Variants in GPX5 observed in about 807,000 individuals in gnomAD.
GPX5 encodes epididymal secretory glutathione peroxidase.
In GPX5, 20 loss-of-function variants were observed where a neutral mutation model predicts 23.8. The observed-to-expected ratio is 0.84, with a 90% CI of 0.59 to 1.22. GPX5 has a LOEUF of 1.22. Ranked by LOEUF, GPX5 falls within the 50% of genes most tolerant of loss-of-function variation. GPX5 has a pLI of 0.00. For missense variants in GPX5, 230 were observed against 266.6 expected (o/e 0.86, Z 0.96); for synonymous variants, 92 against 99.5 (o/e 0.92, Z 0.45).
chr6:28,529,640 A>G, intron 2 of GPX5, 36 bp downstream of exon 2: 1 of 1,486,416 alleles, frequency 6.7e-7, no homozygotes, highest in Non-Finnish European at 9.1e-7. Context: ...TTTGGGACTA[A>G]ATTTTCCAGC....
intron 3 of GPX5, 30 bp from the exon 4 acceptor site, chr6:28,532,291 G>A (rs1763340164): frequency 7.5e-7 from 1 of 1,333,418 alleles, no homozygotes. Context: ...ATATCCTGGA[G>A]CTTCCTGGGA....
intron 1 of GPX5, among the ~76,000 whole-genome samples, chr6:28,526,465 G>A (rs1483087643): frequency 1.3e-5 from 2 of 152,158 alleles, no homozygotes; most frequent in Non-Finnish European, 2.9e-5. Flanking sequence ...AGGAGAAGCT[G>A]AGTGGACTTG....
intron 3 of GPX5, 119 bp downstream of exon 3, chr6:28,532,014 C>A (rs969063329): frequency 2.6e-6 from 2 of 777,216 alleles, no homozygotes; most frequent in African/African-American, 3.5e-5. Context: ...AGGGGCATTA[C>A]AAGCAGAGTT....
At chr6:28,531,370 C>CAAAAAAAAAA (rs1193939654) in intron 2 of GPX5, among the ~76,000 whole-genome samples, 19 of 50,068 alleles carry the variant, frequency 3.8e-4, no homozygotes, top group Admixed American at 6.2e-4. Flanking sequence ...GAATCTGTCT[C>CAAAAAAAAAA]AAAAAAAAAA....
intron 2 of GPX5, among the ~76,000 whole-genome samples, chr6:28,531,370 C>CAAAAAAAAAAAAAA (rs1193939654): frequency 2.0e-5 from 1 of 50,114 alleles, no homozygotes; most frequent in Non-Finnish European, 3.6e-5. Flanking sequence ...GAATCTGTCT[C>CAAAAAAAAAAAAAA]AAAAAAAAAA....
At chr6:28,531,176 C>CTCAT (rs1554164800) in intron 2 of GPX5, among the ~76,000 whole-genome samples, 1 of 151,438 alleles carries the variant, frequency 6.6e-6, no homozygotes. Context: ...AAGCTCAGTC[C>CTCAT]TGGCTAACAT....
At chr6:28,532,474 G>A (rs1763347812) in intron 4 of GPX5, 54 bp downstream of exon 4, 1 of 1,174,782 alleles carries the variant, frequency 8.5e-7, no homozygotes, top group Non-Finnish European at 1.2e-6. Context: ...TGCTAACATA[G>A]AGTTGGTGTG....
At chr6:28,532,986 T>C (rs1241239906) in intron 4 of GPX5, among the ~76,000 whole-genome samples, 1 of 152,096 alleles carries the variant, frequency 6.6e-6, no homozygotes, top group Non-Finnish European at 1.5e-5. Flanking sequence ...CTGGGTGTGG[T>C]GGCACGTACC....
Position 28,534,824 on chromosome 6 carries a change from G to C in GPX5, c.*657G>C. 1 of 151,940 alleles carries C rather than the reference G, an allele frequency of 6.6e-6. No individual in the cohort carries two copies. The highest frequency in any genetic ancestry group is 1.9e-4 in the East Asian group (1 of 5,190). 9.4% of individuals were successfully genotyped at this position (151,940 alleles called of 1,614,324 possible). On this transcript the variant is annotated 3_prime_UTR_variant, in exon 5 of 5. Coordinates refer to ENST00000412168, the MANE Select transcript of GPX5 (RefSeq NM_001509.3). The stretch of plus-strand genomic sequence containing the variant: ...AATTGTCTGATCTTTAGTGCATTCA[G>C]GTTATGGCACCTGGAGAGGAATGCC...
chr6:28,529,443 T>A lies in GPX5; in HGVS notation c.88-8T>A. The A allele has an allele frequency of 6.3e-7, 1 of 1,598,480 alleles. No homozygotes were observed. Among genetic ancestry groups the A allele is most frequent in the Non-Finnish European group, 8.5e-7 (1 of 1,171,754 alleles). On this transcript the variant is annotated splice_region_variant and splice_polypyrimidine_tract_variant and intron_variant, in intron 1 of 4. Coordinates refer to ENST00000412168, the MANE Select transcript of GPX5 (RefSeq NM_001509.3). ...TACCAGTATTATCACTTAAAAAAAA[T>A]CTTCCAGATGGATTGCCACAAAGAC...
Position 28,525,950 on chromosome 6 carries a change from CA to C in GPX5, c.-60del. ...TTGGGCTAAGTCCCTGCCAAGATAC[CA>C]AAAGACTGCAGAGGTGGGCAAAGAC... On this transcript the variant is annotated 5_prime_UTR_variant, in exon 1 of 5. The change abolishes the stop of an existing upstream ORF in the 5' untranslated region. Transcript: ENST00000412168. The C allele has an allele frequency of 8.1e-7, 1 of 1,231,726 alleles. No homozygotes were observed. The highest frequency in any genetic ancestry group is 1.2e-6 in the Non-Finnish European group (1 of 834,182). 76.3% of individuals were successfully genotyped at this position (1,231,726 alleles called of 1,614,324 possible).
intron 4 of GPX5, among the ~76,000 whole-genome samples, chr6:28,532,690 C>G (rs1203959397): frequency 6.6e-6 from 1 of 152,234 alleles, no homozygotes. Context: ...GACATTCATT[C>G]ATTAATTCAT....
rs1562009593 is a variant in GPX5 at position 28,529,554 on chromosome 6, T to A, written c.191T>A (p.Ile64Asn). 6.2e-7 allele frequency: 1 copy of A among 1,612,636 alleles called. No individual in the cohort carries two copies. Among genetic ancestry groups the A allele is most frequent in the Non-Finnish European group, 8.5e-7 (1 of 1,179,072 alleles). Residue 64 changes from isoleucine (I) to asparagine (N), a missense_variant, in exon 2 of 5, where the codon ATC (isoleucine) becomes AAC (asparagine). Coordinates refer to ENST00000412168, the MANE Select transcript of GPX5 (RefSeq NM_001509.3). ...VSFKQYVGKH[I>N]LFVNVATYCG... ...TTCAAGCAGTATGTGGGCAAGCACA[T>A]CCTCTTCGTCAACGTGGCCACCTAC...
chr6:28,526,148 T>G (rs1411963639), intron 1 of GPX5, 48 bp downstream of exon 1: 2 of 1,364,584 alleles, frequency 1.5e-6, no homozygotes, highest in Non-Finnish European at 2.1e-6. Flanking sequence ...CTGTCCTACT[T>G]CTAGACCCTG....
chr6:28,526,921 C>T (rs1055679699), intron 1 of GPX5: 9 of 152,156 alleles, frequency 5.9e-5, no homozygotes, highest in African/African-American at 2.2e-4. Context: ...ATACATTCTA[C>T]AAAATGCAGT....
chr6:28,529,650 C>G (rs778341817), intron 2 of GPX5, 46 bp downstream of exon 2: 1 of 1,369,406 alleles, frequency 7.3e-7, no homozygotes, highest in South Asian at 1.4e-5. Context: ...AATTTTCCAG[C>G]TGATCATATT....
At chr6:28,533,024 G>A (rs1763356240) in intron 4 of GPX5, among the ~76,000 whole-genome samples, 1 of 152,178 alleles carries the variant, frequency 6.6e-6, no homozygotes, top group Admixed American at 6.5e-5. Context: ...GGGAGGCTGA[G>A]GCCAGAGGAT....
chr6:28,527,809 T>G (rs548119743), intron 1 of GPX5: 5 of 152,370 alleles, frequency 3.3e-5, no homozygotes, highest in Admixed American at 2.0e-4. Flanking sequence ...CAGCATGTGC[T>G]GGTGAGCACT....
chr6:28,531,392 AAGAAAAGAAAAGAAAAG>A (rs1763317339), intron 2 of GPX5, among the ~76,000 whole-genome samples: 9 of 59,612 alleles, frequency 1.5e-4, no homozygotes, highest in Non-Finnish European at 2.3e-4. Flanking sequence ...AAAAAAAAAA[AAGAAAAGAAAAGAAAAG>A]AAAAGAAAAG....
Sources: allele counts gnomAD v4.1 joint callset (sites outside exome capture counted in the v4.1 genomes callset), GRCh38; gene constraint gnomAD v4.1.1; transcripts MANE v1.5; gene names NCBI Gene and HGNC (gene_info 2026-07-23, HGNC 2026-07-21).